OMA1: variants seen among roughly 807,000 people sequenced by gnomAD.
OMA1 encodes OMA1 zinc metallopeptidase.
Under a neutral mutation model 30.9 loss-of-function variants are expected in OMA1, and 38 were observed. The ratio of observed to expected loss-of-function variants is 1.23; its 90% confidence interval spans 0.95 to 1.61. The LOEUF is 1.61. OMA1 is among the 40% of genes most tolerant of loss of function. The probability of loss-of-function intolerance (pLI) is 0.00; values close to 1 mark genes in which losing one functional copy is unlikely to be tolerated. For missense variants in OMA1, 461 were observed against 349.2 expected (o/e 1.32, Z -2.55); for synonymous variants, 173 against 121.9 (o/e 1.42, Z -2.76).
intron 8 of OMA1, among the ~76,000 whole-genome samples, chr1:58,505,644 C>T (rs2100415602): frequency 6.6e-6 from 1 of 152,214 alleles, no homozygotes; most frequent in East Asian, 1.9e-4. Context: ...AGTACCACTA[C>T]TACAATTAAT....
intron 7 of OMA1, among the ~76,000 whole-genome samples, chr1:58,512,400 G>A (rs2100430342): frequency 6.6e-6 from 1 of 152,240 alleles, no homozygotes; most frequent in East Asian, 1.9e-4. Context: ...TCCTACTTCT[G>A]GATATTTATC....
At chr1:58,516,390 T>C (rs1646158364) in intron 7 of OMA1, among the ~76,000 whole-genome samples, 1 of 152,192 alleles carries the variant, frequency 6.6e-6, no homozygotes, top group Non-Finnish European at 1.5e-5. Flanking sequence ...CAAATGAATA[T>C]TCATACCCCA....
chr1:58,490,444 A>T (rs1332562588), intron 8 of OMA1, among the ~76,000 whole-genome samples: 1 of 152,234 alleles, frequency 6.6e-6, no homozygotes, highest in African/African-American at 2.4e-5. Context: ...GGACTATGTG[A>T]AAAGACCAAA....
At chr1:58,488,889 G>A (rs976679943) in intron 8 of OMA1, among the ~76,000 whole-genome samples, 11 of 152,198 alleles carry the variant, frequency 7.2e-5, no homozygotes, top group African/African-American at 2.4e-4. Flanking sequence ...TTTATATTAT[G>A]TACAGATATT....
chr1:58,530,500 T>C (rs1646418691), intron 6 of OMA1, 101 bp downstream of exon 6: 3 of 683,378 alleles, frequency 4.4e-6, no homozygotes, highest in Admixed American at 2.5e-5. Flanking sequence ...CCATATTTCA[T>C]AGTAAAATGT....
rs149449339 is a variant in OMA1 at position 58,488,742 on chromosome 1, G to A, written c.1366-7568C>T. 6.7e-3 allele frequency among the ~76,000 whole-genome samples: 1,024 copies of A among 152,260 alleles called. 10 individuals are homozygous for A. Among genetic ancestry groups the A allele is most frequent in the Middle Eastern group, 0.037 (11 of 294 alleles). ...TGGGATTACAGGCGTGAGCCACCAC[G>A]CCCAGCCCCAGTGTGTAGTCTTTTA... On this transcript the variant is annotated intron_variant, in intron 8 of 8. Coordinates refer to ENST00000371226, the MANE Select transcript of OMA1 (RefSeq NM_145243.5).
At chr1:58,536,766 G>A (rs568437444) in intron 2 of OMA1, 25 bp from the exon 3 acceptor site, 4 of 863,038 alleles carry the variant, frequency 4.6e-6, no homozygotes, top group Middle Eastern at 2.2e-4. Context: ...AAAATTCAAA[G>A]TTCTGAAAAT....
At chr1:58,515,434 A>C (rs909758140) in intron 7 of OMA1, among the ~76,000 whole-genome samples, 6 of 152,232 alleles carry the variant, frequency 3.9e-5, no homozygotes, top group Non-Finnish European at 8.8e-5. Context: ...AAGTTTTAAT[A>C]AATTTTCATG....
intron 7 of OMA1, among the ~76,000 whole-genome samples, chr1:58,518,895 G>A (rs1470728363): frequency 6.6e-6 from 1 of 152,122 alleles, no homozygotes; most frequent in Admixed American, 6.5e-5. Flanking sequence ...GTCCAATACT[G>A]TTCCTATCCT....
At chr1:58,493,182 T>C (rs1293661923) in intron 8 of OMA1, among the ~76,000 whole-genome samples, 2 of 151,956 alleles carry the variant, frequency 1.3e-5, no homozygotes, top group Non-Finnish European at 2.9e-5. Context: ...ATTATCTCAA[T>C]AGATGCAGAA....
At chr1:58,524,925 T>C (rs1365736103) in intron 7 of OMA1, among the ~76,000 whole-genome samples, 1 of 152,204 alleles carries the variant, frequency 6.6e-6, no homozygotes, top group Non-Finnish European at 1.5e-5. Context: ...TGTCTTCTGG[T>C]GTTTTAAGTA....
intron 8 of OMA1, among the ~76,000 whole-genome samples, chr1:58,483,688 C>A (rs1173909719): frequency 6.6e-6 from 1 of 152,110 alleles, no homozygotes; most frequent in Non-Finnish European, 1.5e-5. Context: ...AAAGTCAGAT[C>A]CTCAGCTAAA....
chr1:58,489,146 T>C (rs1360857250), intron 8 of OMA1, among the ~76,000 whole-genome samples: 1 of 152,168 alleles, frequency 6.6e-6, no homozygotes, highest in African/African-American at 2.4e-5. Context: ...GGGCAAGGCA[T>C]CGTGTCACCC....
chr1:58,506,296 T>A (rs2100417301), intron 7 of OMA1, 87 bp from the exon 8 acceptor site: 1 of 684,994 alleles, frequency 1.5e-6, no homozygotes, highest in African/African-American at 1.8e-5. Context: ...TTAATTCTAT[T>A]ATAATTATAC....
intron 1 of OMA1, among the ~76,000 whole-genome samples, chr1:58,543,891 C>T (rs12563531): frequency 6.6e-5 from 10 of 152,136 alleles, no homozygotes; most frequent in Non-Finnish European, 1.2e-4. Flanking sequence ...GTAGCCCCTA[C>T]ATGTGGCTAC....
chr1:58,510,634 C>G (rs180766213), intron 7 of OMA1, among the ~76,000 whole-genome samples: 189 of 151,630 alleles, frequency 1.2e-3, no homozygotes, highest in Non-Finnish European at 2.4e-3. Context: ...GGCAATGAGG[C>G]AAGAGAAAGA....
intron 6 of OMA1, among the ~76,000 whole-genome samples, chr1:58,530,030 G>A (rs1350567973): frequency 6.6e-6 from 1 of 152,162 alleles, no homozygotes; most frequent in East Asian, 1.9e-4. Context: ...ACAGGCGCCC[G>A]CCACAACGCC....
intron 7 of OMA1, among the ~76,000 whole-genome samples, chr1:58,526,933 T>C (rs966203416): frequency 3.3e-5 from 5 of 152,090 alleles, no homozygotes; most frequent in African/African-American, 7.2e-5. Flanking sequence ...GTATGTTTCA[T>C]GTCTATGATC....
chr1:58,545,050 A>G (rs1034671119), intron 1 of OMA1, among the ~76,000 whole-genome samples: 1 of 152,106 alleles, frequency 6.6e-6, no homozygotes, highest in Non-Finnish European at 1.5e-5. Context: ...TTGGTTTTCC[A>G]TGGCTTCCAC....
Sources: gnomAD v4.1 joint callset for allele counts (sites outside exome capture counted in the v4.1 genomes callset) on GRCh38, gnomAD v4.1.1 for gene constraint, MANE v1.5 for transcripts, NCBI Gene and HGNC (gene_info 2026-07-23, HGNC 2026-07-21) for gene names.